Variants in ATF5 observed in about 807,000 individuals in gnomAD.
ATF5 encodes the protein cyclic AMP-dependent transcription factor ATF-5.
ATF5 carries 6 observed loss-of-function variants against 4.6 expected under a neutral mutation model. The observed-to-expected ratio is 1.31, with a 90% CI of 0.72 to 2.59. ATF5 has a LOEUF of 2.59. Among genes scored for constraint, ATF5 ranks in the 30% most tolerant of loss-of-function variants. The pLI is 0.00. For missense variants in ATF5, 410 were observed against 368.7 expected (o/e 1.11, Z -0.92); for synonymous variants, 193 against 165.0 (o/e 1.17, Z -1.30).
rs747227639 is a variant in ATF5, at chr19:49,931,009, G to A, written c.159G>A (p.Val53=). Reference sequence around the variant, plus strand: ...GAGCCCTGGAGGGCGGGCTTCCAGTGGGGGGAGAGCCCCTGGCAGGTAAGG... The same window carrying A: ...GAGCCCTGGAGGGCGGGCTTCCAGTAGGGGGAGAGCCCCTGGCAGGTAAGG... The part of the protein sequence containing the change: ...LGGALEGGLP[V]GGEPLAGDGF... The change falls in exon 2 of 3, where the codon GTG becomes GTA. Residue 53 remains valine, a synonymous_variant. Coordinates refer to ENST00000423777, the MANE Select transcript of ATF5 (RefSeq NM_001193646.2). 8 of 1,552,654 alleles carry A rather than the reference G, an allele frequency of 5.2e-6. No homozygotes were observed. The highest frequency in any genetic ancestry group is 6.1e-6 in the Non-Finnish European group (7 of 1,148,002).
intron 2 of ATF5, 134 bp downstream of exon 2, chr19:49,931,162 G>A: frequency 1.3e-6 from 1 of 782,186 alleles, no homozygotes; most frequent in Non-Finnish European, 1.9e-6. Context: ...TGAGGATACG[G>A]CTGGGAACAA....
In ATF5 at chr19:49,933,055, T is replaced by G; in HGVS notation, c.812T>G (p.Val271Gly). ...IQYVKDLLIE[V>G]YKARSQRTRS... is the part of the protein sequence containing the mutation. ...TACGTCAAGGACCTGCTCATCGAGG[T>G]TTACAAGGCCCGGAGCCAGAGGACC... Residue 271 changes from valine (V) to glycine (G), a missense_variant, in exon 3 of 3, where the codon GTT (valine) becomes GGT (glycine). By Grantham distance (109) the Val-to-Gly change is moderately radical (BLOSUM62 -3). Transcript: ENST00000423777. The G allele has an allele frequency of 6.2e-7, 1 of 1,603,856 alleles. No homozygotes were observed. The highest frequency in any genetic ancestry group is 8.5e-7 in the Non-Finnish European group (1 of 1,172,122).
chr19:49,932,337 C>T, intron 2 of ATF5, 85 bp from the exon 3 acceptor site: 1 of 1,311,084 alleles, frequency 7.6e-7, no homozygotes, highest in Non-Finnish European at 1.1e-6. Context: ...GACAGATGCA[C>T]CTGAATGAGA....
Position 49,929,288 on chromosome 19 carries a change from T to G in ATF5, c.-232T>G, listed in dbSNP as rs1391610367. 1 of 153,518 alleles carries G rather than the reference T, an allele frequency of 6.5e-6. No homozygotes were observed. Among genetic ancestry groups the G allele is most frequent in the African/African-American group, 2.4e-5 (1 of 41,436 alleles). 9.5% of individuals were successfully genotyped at this position (153,518 alleles called of 1,614,324 possible). A position where few individuals can be genotyped will look rare whatever the true frequency, so the allele number is the denominator to read the frequency against. On this transcript the variant is annotated 5_prime_UTR_variant, in exon 1 of 3. Coordinates refer to ENST00000423777, the MANE Select transcript of ATF5 (RefSeq NM_001193646.2). Reference sequence around the variant, plus strand: ...TAGCCCCGGCCATGGCTCTGTAGCCTCGACCCCTTTGTGCCCCCGGCCCGT... The same window carrying G: ...TAGCCCCGGCCATGGCTCTGTAGCCGCGACCCCTTTGTGCCCCCGGCCCGT...
rs1041348671 is a variant in ATF5, at chr19:49,930,757, G to C, written c.-94G>C. ...GTCTTCCACTTTCGCCTTGGTGCCT[G>C]TCTTCGCCCACCTGAGCATCCTCCA... is the stretch of plus-strand genomic sequence containing the variant. On this transcript the variant is annotated 5_prime_UTR_variant, in exon 2 of 3. Coordinates refer to ENST00000423777, the MANE Select transcript of ATF5 (RefSeq NM_001193646.2). 2.9e-5 allele frequency: 33 copies of C among 1,145,030 alleles called. No homozygotes were observed. In the African/African-American group the frequency reaches 5.0e-4, roughly 18 times the overall value. The allele number at this position is 1,145,030 out of a possible 1,614,324, so 70.9% of individuals were successfully genotyped here. A position where few individuals can be genotyped will look rare whatever the true frequency, so the allele number is the denominator to read the frequency against.
chr19:49,930,106 C>A (rs937250447), intron 1 of ATF5: 1 of 150,488 alleles, frequency 6.6e-6, no homozygotes. Context: ...GGGGCTAAAC[C>A]AACCGTTAGT....
At position 49,933,383 on chromosome 19, in the gene ATF5, C is replaced by CAA. The variant is rs1206207063; in HGVS notation, c.*292_*293insAA. Reference sequence around the variant, plus strand: ...CCTTTTATCCTCTGTCTCTGCTTATCACCTCTCTTGCGTATTTCTGGATCT... The same window carrying CAA: ...CCTTTTATCCTCTGTCTCTGCTTATCAAACCTCTCTTGCGTATTTCTGGATCT... On this transcript the variant is annotated 3_prime_UTR_variant, in exon 3 of 3. Coordinates refer to ENST00000423777, the MANE Select transcript of ATF5 (RefSeq NM_001193646.2). 3.1e-6 allele frequency: 1 copy of CAA among 327,664 alleles called. No homozygotes were observed. Among genetic ancestry groups the CAA allele is most frequent in the African/African-American group, 2.1e-5 (1 of 46,994 alleles). The allele number at this position is 327,664 out of a possible 1,614,324, so 20.3% of individuals were successfully genotyped here. A position where few individuals can be genotyped will look rare whatever the true frequency, so the allele number is the denominator to read the frequency against.
chr19:49,930,762 C>T lies in ATF5; in HGVS notation c.-89C>T, dbSNP rs924313045. 3.2e-5 allele frequency: 38 copies of T among 1,197,980 alleles called. No homozygotes were observed. Among genetic ancestry groups the T allele is most frequent in the Non-Finnish European group, 4.0e-5 (35 of 879,626 alleles). 74.2% of individuals were successfully genotyped at this position (1,197,980 alleles called of 1,614,324 possible). A position where few individuals can be genotyped will look rare whatever the true frequency, so the allele number is the denominator to read the frequency against. On this transcript the variant is annotated 5_prime_UTR_variant, in exon 2 of 3. Coordinates refer to ENST00000423777, the MANE Select transcript of ATF5 (RefSeq NM_001193646.2). ...CCACTTTCGCCTTGGTGCCTGTCTT[C>T]GCCCACCTGAGCATCCTCCAGAGCC...
intron 2 of ATF5, among the ~76,000 whole-genome samples, chr19:49,931,582 G>C (rs1183665898): frequency 6.6e-6 from 1 of 152,076 alleles, no homozygotes; most frequent in Non-Finnish European, 1.5e-5. Context: ...GGGAGGTCTA[G>C]GCTGCAGTGA....
At position 49,930,952 on chromosome 19, in the gene ATF5, T is replaced by G. The variant is rs536301051; in HGVS notation, c.102T>G (p.Pro34=). 1 of 1,597,394 alleles carries G rather than the reference T, an allele frequency of 6.3e-7. No individual in the cohort carries two copies. The highest frequency in any genetic ancestry group is 1.1e-5 in the South Asian group (1 of 88,128). Residue 34 remains proline (P), a synonymous_variant, in exon 2 of 3, where the codon CCT becomes CCG. Coordinates refer to ENST00000423777, the MANE Select transcript of ATF5 (RefSeq NM_001193646.2). ...ACTATGGGAAACTCCCCCCGGCCCC[T>G]GCCCCCCTGGCTCCCTATGAGGTCC... The part of the protein sequence containing the change: ...LVDYGKLPPA[P]APLAPYEVLG...
intron 1 of ATF5, 181 bp downstream of exon 1, chr19:49,929,581 G>A (rs1568730874): frequency 6.6e-6 from 1 of 152,336 alleles, no homozygotes; most frequent in Non-Finnish European, 1.5e-5. Flanking sequence ...CCGGGGCCGG[G>A]TGGGAGAGTT....
At position 49,933,011 on chromosome 19, in the gene ATF5, C is replaced by T. The variant is rs143295930; in HGVS notation, c.768C>T (p.Ser256=). ...RNRELKERAE[S]VEREIQYVKD... ...GCGAGCTGAAGGAACGGGCAGAGTCCGTGGAGCGCGAGATCCAGTACGTCA... is the reference window on the plus strand; with the variant it reads ...GCGAGCTGAAGGAACGGGCAGAGTCTGTGGAGCGCGAGATCCAGTACGTCA... The change falls in exon 3 of 3, where the codon TCC becomes TCT. Residue 256 remains serine, a synonymous_variant. Transcript: ENST00000423777. The T allele has an allele frequency of 5.9e-5, 95 of 1,613,764 alleles. No homozygotes were observed. The highest frequency in any genetic ancestry group is 7.7e-5 in the Non-Finnish European group (91 of 1,179,870).
At position 49,933,169 on chromosome 19, in the gene ATF5, A is replaced by C. The variant is rs759694028; in HGVS notation, c.*77A>C. The C allele has an allele frequency of 2.8e-6, 4 of 1,421,400 alleles. No homozygotes were observed. Among genetic ancestry groups the C allele is most frequent in the Non-Finnish European group, 3.7e-6 (4 of 1,067,668 alleles). The allele number at this position is 1,421,400 out of a possible 1,614,324, so 88.0% of individuals were successfully genotyped here. A position where few individuals can be genotyped will look rare whatever the true frequency, so the allele number is the denominator to read the frequency against. On this transcript the variant is annotated 3_prime_UTR_variant, in exon 3 of 3. Transcript: ENST00000423777. ...TCCCCCTGCCTCTACCTTCATTCCA[A>C]ACCCCTCTCGGCCGGGTGCAGTGGC... is the stretch of plus-strand genomic sequence containing the variant.
Position 49,932,640 on chromosome 19 carries a change from C to T in ATF5, c.397C>T (p.Pro133Ser). The T allele has an allele frequency of 6.5e-7, 1 of 1,538,014 alleles. No individual in the cohort carries two copies. The highest frequency in any genetic ancestry group is 2.4e-5 in the East Asian group (1 of 41,756). Reference sequence around the variant, plus strand: ...ACCCTCCCCGCCGCCACTACCACCACCACCACTACCACCAGCCCCCTCCCT... The same window carrying T: ...ACCCTCCCCGCCGCCACTACCACCATCACCACTACCACCAGCCCCCTCCCT... ...PPPSPPPLPPPPLPPAPSLPL... is the reference protein window; with the variant it reads ...PPPSPPPLPPSPLPPAPSLPL... Residue 133 changes from proline to serine, a missense_variant, in exon 3 of 3, where the codon CCA becomes TCA. Coordinates refer to ENST00000423777, the MANE Select transcript of ATF5 (RefSeq NM_001193646.2).
At chr19:49,931,884 GAGAAT>G in intron 2 of ATF5, among the ~76,000 whole-genome samples, 1 of 151,632 alleles carries the variant, frequency 6.6e-6, no homozygotes, top group Middle Eastern at 3.4e-3. Flanking sequence ...TTTAAAAAGA[GAGAAT>G]AGAGACACCA....
chr19:49,931,177 A>G, intron 2 of ATF5, 149 bp downstream of exon 2: 1 of 670,820 alleles, frequency 1.5e-6, no homozygotes, highest in East Asian at 3.1e-5. Context: ...GAACAAGAAG[A>G]ACATGGTCTG....
rs2076071626 is a variant in ATF5, at chr19:49,932,436, G to A, written c.193G>A (p.Asp65Asn). 1.9e-6 allele frequency: 3 copies of A among 1,613,922 alleles called. No homozygotes were observed. The highest frequency in any genetic ancestry group is 2.5e-6 in the Non-Finnish European group (3 of 1,179,986). ...GEPLAGDGFS[D>N]WMTERVDFTA... ...TTTAATCCCAGGTGATGGCTTCTCT[G>A]ACTGGATGACTGAGCGAGTTGATTT... The change falls in exon 3 of 3, where the codon GAC becomes AAC. Residue 65 changes from aspartate to asparagine, a missense_variant. Coordinates refer to ENST00000423777, the MANE Select transcript of ATF5 (RefSeq NM_001193646.2).
Position 49,933,046 on chromosome 19 carries a change from T to C in ATF5, c.803T>C (p.Leu268Pro), listed in dbSNP as rs2076083532. ...EREIQYVKDL[L>P]IEVYKARSQR... is the part of the protein sequence containing the mutation. ...GAGATCCAGTACGTCAAGGACCTGCTCATCGAGGTTTACAAGGCCCGGAGC... is the reference window on the plus strand; with the variant it reads ...GAGATCCAGTACGTCAAGGACCTGCCCATCGAGGTTTACAAGGCCCGGAGC... Residue 268 changes from leucine (L) to proline (P), a missense_variant, in exon 3 of 3, where the codon CTC becomes CCC. Physicochemically the swap from Leu to Pro is moderately conservative, Grantham distance 98. Transcript: ENST00000423777. The C allele has an allele frequency of 1.2e-6, 2 of 1,606,532 alleles. No homozygotes were observed. The highest frequency in any genetic ancestry group is 3.3e-5 in the Admixed American group (2 of 59,802).
Position 49,930,726 on chromosome 19 carries a change from G to T in ATF5, c.-119-6G>T, listed in dbSNP as rs958557314. On this transcript the variant is annotated splice_polypyrimidine_tract_variant and splice_region_variant and intron_variant, in intron 1 of 2. Transcript: ENST00000423777. Reference sequence around the variant, plus strand: ...GACCACACCCACTCTTGTCTCACGCGTGTAGGTCTTCCACTTTCGCCTTGG... The same window carrying T: ...GACCACACCCACTCTTGTCTCACGCTTGTAGGTCTTCCACTTTCGCCTTGG... The T allele has an allele frequency of 2.5e-5, 19 of 766,654 alleles. No homozygotes were observed. In the African/African-American group the frequency reaches 3.2e-4, roughly 13 times the overall value. The allele number at this position is 766,654 out of a possible 1,614,324, so 47.5% of individuals were successfully genotyped here. A position where few individuals can be genotyped will look rare whatever the true frequency, so the allele number is the denominator to read the frequency against.
Sources: allele counts gnomAD v4.1 joint callset (sites outside exome capture counted in the v4.1 genomes callset), GRCh38; gene constraint gnomAD v4.1.1; transcripts MANE v1.5; gene names NCBI Gene and HGNC (gene_info 2026-07-23, HGNC 2026-07-21).